The following DIP2B variants were observed in gnomAD, a reference collection of about 807,000 sequenced individuals.
DIP2B encodes the protein DIP2 acetate--CoA ligase B (putative), also known as disco-interacting protein 2 homolog B.
In DIP2B, 76 loss-of-function variants were observed where a neutral mutation model predicts 198.0. The observed-to-expected ratio is 0.38, with a 90% CI of 0.32 to 0.46. DIP2B has a LOEUF of 0.46. Ranked by LOEUF, DIP2B falls within the 20% of genes least tolerant of loss-of-function variation. The pLI, the probability that DIP2B is intolerant of heterozygous loss-of-function variation, is 0.99. For synonymous variants in DIP2B, 701 were observed against 739.1 expected, an observed-to-expected ratio of 0.95 and a Z score of 0.84; for missense variants, 1,559 against 1,978.4, an observed-to-expected ratio of 0.79 and a Z score of 4.02.
chr12:50,673,528 T>A (rs1938891326), intron 5 of DIP2B, among the ~76,000 whole-genome samples: 2 of 152,216 alleles, frequency 1.3e-5, no homozygotes, highest in African/African-American at 4.8e-5. Flanking sequence ...GGCACACGCC[T>A]GTAATCCCAG....
chr12:50,704,972 A>T (rs1232834061), intron 20 of DIP2B, among the ~76,000 whole-genome samples: 2 of 152,140 alleles, frequency 1.3e-5, no homozygotes, highest in Non-Finnish European at 2.9e-5. Context: ...AAAAAAACAA[A>T]AAAGTTTGTT....
At chr12:50,668,097 G>A (rs985985749) in intron 4 of DIP2B, among the ~76,000 whole-genome samples, 2 of 151,916 alleles carry the variant, frequency 1.3e-5, no homozygotes, top group African/African-American at 4.8e-5. Flanking sequence ...AAGCTTTCTC[G>A]CGTGCAGCCC....
chr12:50,557,366 C>T (rs1302945755), intron 1 of DIP2B, among the ~76,000 whole-genome samples: 1 of 152,172 alleles, frequency 6.6e-6, no homozygotes, highest in East Asian at 1.9e-4. Context: ...GGTGCATGGA[C>T]ACAGGCAGGA....
Position 50,726,372 on chromosome 12 carries a change from C to T in DIP2B, c.3401-1331C>T, listed in dbSNP as rs147412427. On this transcript the variant is annotated intron_variant, in intron 28 of 37. Transcript: ENST00000301180. Reference sequence around the variant, plus strand: ...CTTGGCTACCATTCTCTTTTGGAGACGGGGCCCTCACTCTGTCATCCAGGC... The same window carrying T: ...CTTGGCTACCATTCTCTTTTGGAGATGGGGCCCTCACTCTGTCATCCAGGC... 3.9e-5 allele frequency among the ~76,000 whole-genome samples: 6 copies of T among 152,234 alleles called. No homozygotes were observed. In the East Asian group the frequency reaches 7.7e-4, roughly 20 times the overall value.
chr12:50,516,235 CTCTCTCTCTCTA>C (rs1034273691), intron 1 of DIP2B, among the ~76,000 whole-genome samples: 7 of 147,926 alleles, frequency 4.7e-5, no homozygotes, highest in African/African-American at 1.8e-4. Flanking sequence ...CTCTCTCTCT[CTCTCTCTCTCTA>C]TCTCTATCTC....
intron 25 of DIP2B, among the ~76,000 whole-genome samples, chr12:50,720,011 A>G (rs974648462): frequency 8.8e-5 from 13 of 148,052 alleles, no homozygotes; most frequent in African/African-American, 2.5e-4. Flanking sequence ...GCTCAGTGCA[A>G]CCTCTGCCTC....
At position 50,746,003 on chromosome 12, in the gene DIP2B, A is replaced by G. The variant is rs1940336428; in HGVS notation, c.*1164A>G. 6.6e-6 allele frequency: 1 copy of G among 152,250 alleles called. No homozygotes were observed. The highest frequency in any genetic ancestry group is 1.5e-5 in the Non-Finnish European group (1 of 68,058). The allele number at this position is 152,250 out of a possible 1,614,324, so 9.4% of individuals were successfully genotyped here. A position where few individuals can be genotyped will look rare whatever the true frequency, so the allele number is the denominator to read the frequency against. ...GGGATCCACCATCACATGGAACTGTAAGGCCATATAACTACACAAAACTGA... is the reference window on the plus strand; with the variant it reads ...GGGATCCACCATCACATGGAACTGTGAGGCCATATAACTACACAAAACTGA... On this transcript the variant is annotated 3_prime_UTR_variant, in exon 38 of 38. Transcript: ENST00000301180.
intron 25 of DIP2B, 107 bp downstream of exon 25, chr12:50,719,142 G>A (rs1939787990): frequency 1.6e-6 from 2 of 1,232,884 alleles, no homozygotes; most frequent in South Asian, 2.9e-5. Context: ...CATCTCTGAA[G>A]AAGGAGTTAA....
intron 1 of DIP2B, among the ~76,000 whole-genome samples, chr12:50,585,836 A>G (rs1369179991): frequency 1.3e-5 from 2 of 152,244 alleles, no homozygotes; most frequent in Admixed American, 6.5e-5. Flanking sequence ...GCAGTCATCT[A>G]AGAGGATAAC....
Position 50,680,704 on chromosome 12 carries a change from T to C in DIP2B, c.1147T>C (p.Tyr383His). 2 of 1,613,886 alleles carry C rather than the reference T, an allele frequency of 1.2e-6. No homozygotes were observed. Among genetic ancestry groups the C allele is most frequent in the African/African-American group, 1.3e-5 (1 of 75,020 alleles). The part of the protein sequence containing the change: ...KLWSRSLKLA[Y>H]TLLNKLGTKN... ...GTGGAGCAGAAGTTTAAAGTTGGCC[T>C]ACACACTTCTTAATAAACTGGGGAC... The change falls in exon 9 of 38, where the codon TAC becomes CAC. Residue 383 changes from tyrosine (Y) to histidine (H), a missense_variant. Coordinates refer to ENST00000301180, the MANE Select transcript of DIP2B (RefSeq NM_173602.3).
chr12:50,690,579 A>G (rs1939207496), intron 12 of DIP2B, among the ~76,000 whole-genome samples: 1 of 152,202 alleles, frequency 6.6e-6, no homozygotes, highest in Non-Finnish European at 1.5e-5. Context: ...TGAATGGAAC[A>G]TTAAGGGTAA....
intron 5 of DIP2B, among the ~76,000 whole-genome samples, chr12:50,672,038 T>C (rs1938865144): frequency 6.6e-6 from 1 of 152,154 alleles, no homozygotes; most frequent in Non-Finnish European, 1.5e-5. Flanking sequence ...ACAGCTCAGA[T>C]CTCTGCTTTT....
intron 1 of DIP2B, among the ~76,000 whole-genome samples, chr12:50,506,233 C>G (rs893218138): frequency 6.6e-6 from 1 of 152,102 alleles, no homozygotes; most frequent in South Asian, 2.1e-4. Flanking sequence ...GATACCAGTA[C>G]TTTGATTGTG....
At position 50,691,154 on chromosome 12, in the gene DIP2B, C is replaced by G. The variant is rs1939215981; in HGVS notation, c.1654+3C>G. 4 of 1,613,558 alleles carry G rather than the reference C, an allele frequency of 2.5e-6. 1 individual carries two copies. In the South Asian group the frequency reaches 4.4e-5, roughly 18 times the overall value. ...GCAGGCCTGCAATTATTCTGAAGGTCAGACCTCATCCCATGACTGCCCTCA... is the reference window on the plus strand; with the variant it reads ...GCAGGCCTGCAATTATTCTGAAGGTGAGACCTCATCCCATGACTGCCCTCA... On this transcript the variant is annotated splice_donor_region_variant and intron_variant, in intron 13 of 37. Coordinates refer to ENST00000301180, the MANE Select transcript of DIP2B (RefSeq NM_173602.3).
chr12:50,652,169 C>T (rs1342495605), intron 3 of DIP2B, among the ~76,000 whole-genome samples: 1 of 151,848 alleles, frequency 6.6e-6, no homozygotes, highest in Non-Finnish European at 1.5e-5. Flanking sequence ...AAAAATTAGC[C>T]AGGCGTTGTA....
At chr12:50,739,199 G>A (rs1033047540) in intron 35 of DIP2B, among the ~76,000 whole-genome samples, 1 of 152,216 alleles carries the variant, frequency 6.6e-6, no homozygotes, top group African/African-American at 2.4e-5. Context: ...GAACAACATT[G>A]TATGAACTAT....
intron 1 of DIP2B, among the ~76,000 whole-genome samples, chr12:50,594,281 A>C (rs974564277): frequency 7.9e-5 from 12 of 152,060 alleles, no homozygotes; most frequent in African/African-American, 2.7e-4. Context: ...ATCAAAGCCC[A>C]ACCAACCCTT....
rs766977307 is a variant in DIP2B at position 50,744,686 on chromosome 12, C to A, written c.4578C>A (p.Val1526=). 6.2e-7 allele frequency: 1 copy of A among 1,614,152 alleles called. No individual in the cohort carries two copies. The highest frequency in any genetic ancestry group is 1.1e-5 in the South Asian group (1 of 91,082). The part of the protein sequence containing the change: ...LDLVPLVTNV[V]LEEHYLIVGV... ...TGGTCCCATTAGTGACCAACGTGGT[C>A]CTGGAAGAGCATTACCTCATCGTTG... The change falls in exon 38 of 38, where the codon GTC becomes GTA. Residue 1526 remains valine (V), a synonymous_variant. Coordinates refer to ENST00000301180, the MANE Select transcript of DIP2B (RefSeq NM_173602.3).
chr12:50,571,574 A>T (rs1477355947), intron 1 of DIP2B, among the ~76,000 whole-genome samples: 1 of 93,454 alleles, frequency 1.1e-5, no homozygotes, highest in Non-Finnish European at 2.0e-5. Context: ...TTTTTTTGAG[A>T]CGGAGTCTCA....
Sources: allele counts gnomAD v4.1 joint callset (sites outside exome capture counted in the v4.1 genomes callset), GRCh38; gene constraint gnomAD v4.1.1; transcripts MANE v1.5; gene names NCBI Gene and HGNC (gene_info 2026-07-23, HGNC 2026-07-21).